Variants in RYR2 observed in about 807,000 individuals in gnomAD.
RYR2 encodes ryanodine receptor 2, also known as cardiac muscle ryanodine receptor-calcium release channel.
Under a neutral mutation model 601.1 loss-of-function variants are expected in RYR2, and 227 were observed. The ratio of observed to expected loss-of-function variants is 0.38; its 90% CI spans 0.34 to 0.42. The LOEUF (loss-of-function observed/expected upper bound fraction) is 0.42, where lower values mean the gene tolerates loss of function less well. RYR2 is among the 10% of genes least tolerant of loss of function. RYR2 has a pLI of 1.00. For synonymous variants in RYR2, 2,223 were observed against 2,175.1 expected (o/e 1.02, Z -0.61); for missense variants, 4,646 against 6,156.5 (o/e 0.75, Z 8.21).
chr1:237,256,772 A>T (rs1688025852), intron 1 of RYR2, among the ~76,000 whole-genome samples: 2 of 152,220 alleles, frequency 1.3e-5, no homozygotes, highest in Admixed American at 6.5e-5. Context: ...CATCTCTAAA[A>T]TGCAAAGTGA....
intron 25 of RYR2, among the ~76,000 whole-genome samples, chr1:237,537,571 T>G (rs1266448267): frequency 6.6e-6 from 1 of 152,180 alleles, no homozygotes; most frequent in Non-Finnish European, 1.5e-5. Context: ...TGCCTTGGCC[T>G]CCCAAATTGC....
In RYR2 at chr1:237,157,318, AAAAGAAAG is replaced by A. The variant is rs1427314634; in HGVS notation, c.49-113163_49-113156del. 1.3e-3 allele frequency among the ~76,000 whole-genome samples: 180 copies of A among 140,766 alleles called. 1 individual carries two copies. The highest frequency in any genetic ancestry group is 7.5e-3 in the South Asian group (33 of 4,376). The allele number at this position is 140,766 out of a possible 152,430, so 92.3% of individuals were successfully genotyped here. On this transcript the variant is annotated intron_variant, in intron 1 of 104. Coordinates refer to ENST00000366574, the MANE Select transcript of RYR2 (RefSeq NM_001035.3). ...CTCAAAAAAAAAAAAAAAAAAAAAAAAAAGAAAGAAAGAAAGAAAGAAAAGAAAAAGAG... is the reference window on the plus strand; with the variant it reads ...CTCAAAAAAAAAAAAAAAAAAAAAAAAAAGAAAGAAAGAAAAGAAAAAGAG...
At chr1:237,215,316 G>A (rs1160648808) in intron 1 of RYR2, among the ~76,000 whole-genome samples, 1 of 152,080 alleles carries the variant, frequency 6.6e-6, no homozygotes, top group African/African-American at 2.4e-5. Context: ...ATGTGGCAAC[G>A]CTCCAGGCAT....
rs913320041 is a variant in RYR2, at chr1:237,042,650, C to T, written c.48+81C>T. ...TAGCGGGGTCCGGGCAGAGTGACAG[C>T]GGGCAGCGGGGACTCGCGGGCGGGG... On this transcript the variant is annotated intron_variant, in intron 1 of 104. Coordinates refer to ENST00000366574, the MANE Select transcript of RYR2 (RefSeq NM_001035.3). 4.9e-6 allele frequency: 6 copies of T among 1,216,820 alleles called. No homozygotes were observed. The African/African-American group carries it at 6.3e-5, about 13-fold the overall frequency. 75.4% of individuals were successfully genotyped at this position (1,216,820 alleles called of 1,614,324 possible). A position where few individuals can be genotyped will look rare whatever the true frequency, so the allele number is the denominator to read the frequency against.
intron 96 of RYR2, among the ~76,000 whole-genome samples, chr1:237,795,854 A>ATG (rs1167847347): frequency 4.0e-4 from 50 of 125,120 alleles, no homozygotes; most frequent in African/African-American, 1.5e-3. Flanking sequence ...ATATATGTAT[A>ATG]TGTATATATA....
At chr1:237,775,414 A>G (rs1463516938) in intron 87 of RYR2, among the ~76,000 whole-genome samples, 1 of 152,154 alleles carries the variant, frequency 6.6e-6, no homozygotes, top group Non-Finnish European at 1.5e-5. Flanking sequence ...AAGTTACCAC[A>G]TTACATCTAG....
At chr1:237,573,264 A>G (rs1460239471) in intron 29 of RYR2, among the ~76,000 whole-genome samples, 1 of 151,648 alleles carries the variant, frequency 6.6e-6, no homozygotes, top group East Asian at 2.0e-4. Flanking sequence ...ACACGCATAC[A>G]TATGTATATG....
At chr1:237,061,107 A>T (rs1356760281) in intron 1 of RYR2, among the ~76,000 whole-genome samples, 1 of 152,236 alleles carries the variant, frequency 6.6e-6, no homozygotes. Context: ...CTGACAACTC[A>T]TGATGGGGAA....
intron 75 of RYR2, 42 bp from the exon 76 acceptor site, chr1:237,727,045 T>G (rs1438160741): frequency 1.0e-6 from 1 of 963,544 alleles, no homozygotes; most frequent in Admixed American, 1.7e-5. Context: ...TTTTTGAAGG[T>G]AGTTTGGGGT....
At chr1:237,530,561 C>A in intron 25 of RYR2, 51 bp downstream of exon 25, 2 of 1,303,300 alleles carry the variant, frequency 1.5e-6, no homozygotes, top group Non-Finnish European at 1.1e-6. Context: ...AGATTTAGTG[C>A]AACCAAATAA....
At chr1:237,447,931 C>G (rs1274111929) in intron 14 of RYR2, among the ~76,000 whole-genome samples, 1 of 150,168 alleles carries the variant, frequency 6.7e-6, no homozygotes, top group Admixed American at 6.7e-5. Flanking sequence ...TTCCTCCCTC[C>G]CCTCTCCCCA....
intron 63 of RYR2, among the ~76,000 whole-genome samples, chr1:237,688,817 G>A (rs1456963450): frequency 6.6e-6 from 1 of 152,108 alleles, no homozygotes; most frequent in African/African-American, 2.4e-5. Context: ...CATATCAGCT[G>A]CCCTTTTGCG....
At chr1:237,746,978 T>C (rs1488653587) in intron 80 of RYR2, among the ~76,000 whole-genome samples, 1 of 152,172 alleles carries the variant, frequency 6.6e-6, no homozygotes, top group Non-Finnish European at 1.5e-5. Flanking sequence ...TTAACTATGA[T>C]TTTATTAAAA....
chr1:237,535,304 A>G (rs1172779238), intron 25 of RYR2, among the ~76,000 whole-genome samples: 1 of 152,054 alleles, frequency 6.6e-6, no homozygotes, highest in Non-Finnish European at 1.5e-5. Context: ...GACAAAGGAA[A>G]AAGAAAAAAC....
At chr1:237,441,295 C>A (rs1214939827) in intron 12 of RYR2, 24 bp from the exon 13 acceptor site, 14 of 1,612,634 alleles carry the variant, frequency 8.7e-6, no homozygotes, top group Non-Finnish European at 1.2e-5. Flanking sequence ...GTTTACTGAC[C>A]TTTTTTTCCT....
chr1:237,463,678 A>C (rs1422080246), intron 16 of RYR2, among the ~76,000 whole-genome samples: 1 of 152,172 alleles, frequency 6.6e-6, no homozygotes, highest in Non-Finnish European at 1.5e-5. Flanking sequence ...CTGTCTCTAC[A>C]AAAAGATAAA....
At chr1:237,572,242 T>C (rs1431521486) in intron 29 of RYR2, among the ~76,000 whole-genome samples, 1 of 152,182 alleles carries the variant, frequency 6.6e-6, no homozygotes, top group Non-Finnish European at 1.5e-5. Flanking sequence ...GCTGCTACTA[T>C]GGATGTGACT....
At chr1:237,365,955 A>G (rs936581910) in intron 5 of RYR2, among the ~76,000 whole-genome samples, 1 of 152,242 alleles carries the variant, frequency 6.6e-6, no homozygotes, top group African/African-American at 2.4e-5. Context: ...GAAGGCCAAT[A>G]GTTATTTTCA....
intron 1 of RYR2, among the ~76,000 whole-genome samples, chr1:237,107,402 T>TA: frequency 6.7e-6 from 1 of 149,046 alleles, no homozygotes; most frequent in Non-Finnish European, 1.5e-5. Flanking sequence ...GCGCCTGTAG[T>TA]CCCAGCTACT....
Sources: gnomAD v4.1 joint callset for allele counts (sites outside exome capture counted in the v4.1 genomes callset) on GRCh38, gnomAD v4.1.1 for gene constraint, MANE v1.5 for transcripts, NCBI Gene and HGNC (gene_info 2026-07-23, HGNC 2026-07-21) for gene names.